NAA16: variants seen among roughly 807,000 people sequenced by gnomAD.
The protein encoded by NAA16 is N-alpha-acetyltransferase 16, NatA auxiliary subunit.
In NAA16, 97 loss-of-function variants were observed where a neutral mutation model predicts 110.3. The observed-to-expected ratio is 0.88, with a 90% CI of 0.75 to 1.04. NAA16 has a LOEUF of 1.04. Among genes scored for constraint, NAA16 ranks in the 50% least tolerant of loss-of-function variants. NAA16 has a pLI of 0.00. For missense variants in NAA16, 1,017 were observed against 1,005.1 expected (o/e 1.01, Z -0.16); for synonymous variants, 372 against 330.6 (o/e 1.13, Z -1.36).
At chr13:41,342,338 G>A (rs572847754) in intron 9 of NAA16, among the ~76,000 whole-genome samples, 77 of 152,054 alleles carry the variant, frequency 5.1e-4, no homozygotes, top group Middle Eastern at 3.4e-3. Context: ...GGGTTTCCTC[G>A]TGTTGCCCAG....
rs115325431 is a variant in NAA16, at chr13:41,328,647, A to T, written c.692-77A>T. The T allele has an allele frequency of 5.1e-4, 629 of 1,230,114 alleles. 2 individuals carry two copies. The African/African-American group carries it at 8.7e-3, about 17-fold the overall frequency. 76.2% of individuals were successfully genotyped at this position (1,230,114 alleles called of 1,614,324 possible). A position where few individuals can be genotyped will look rare whatever the true frequency, so the allele number is the denominator to read the frequency against. ...TGTCTTTTTAACCATCTGTTCACTGATAATGTTTAGTGAAGTCCCTGGGGT... is the reference window on the plus strand; with the variant it reads ...TGTCTTTTTAACCATCTGTTCACTGTTAATGTTTAGTGAAGTCCCTGGGGT... On this transcript the variant is annotated intron_variant, in intron 6 of 19. Transcript: ENST00000379406.
chr13:41,340,065 A>G (rs1375864946), intron 9 of NAA16, among the ~76,000 whole-genome samples: 2 of 152,080 alleles, frequency 1.3e-5, no homozygotes, highest in Non-Finnish European at 2.9e-5. Flanking sequence ...AATATTACTA[A>G]AAATATATTT....
rs973877850 is a variant in NAA16, at chr13:41,325,830, C to G, written c.670C>G (p.Leu224Val). The part of the protein sequence containing the change: ...EMYEKQICDK[L>V]LVEEIKGEIL... ...GTATGAGAAACAAATATGTGATAAA[C>G]TTTTGGTGGAAGAAATTAAAGGTAA... Residue 224 changes from leucine (L) to valine (V), a missense_variant, in exon 6 of 20, where the codon CTT becomes GTT. By Grantham distance (32) the Leu-to-Val change is conservative. Transcript: ENST00000379406. The G allele has an allele frequency of 3.8e-6, 6 of 1,599,944 alleles. No homozygotes were observed. The highest frequency in any genetic ancestry group is 1.3e-5 in the African/African-American group (1 of 74,222).
intron 7 of NAA16, among the ~76,000 whole-genome samples, chr13:41,329,585 T>A (rs1233636303): frequency 1.3e-5 from 2 of 151,606 alleles, no homozygotes; most frequent in African/African-American, 4.8e-5. Flanking sequence ...TTTATAGTAG[T>A]ATAAGCTACA....
intron 9 of NAA16, among the ~76,000 whole-genome samples, chr13:41,344,342 T>C (rs938804783): frequency 1.3e-5 from 2 of 152,268 alleles, no homozygotes; most frequent in African/African-American, 4.8e-5. Context: ...GAACCAGATT[T>C]GGTGATTTTT....
intron 9 of NAA16, among the ~76,000 whole-genome samples, chr13:41,339,365 C>T (rs933157337): frequency 6.6e-6 from 1 of 152,120 alleles, no homozygotes; most frequent in Admixed American, 6.6e-5. Flanking sequence ...TCTTGAACTC[C>T]TGACCTCAGG....
intron 2 of NAA16, among the ~76,000 whole-genome samples, chr13:41,318,009 C>A (rs569387076): frequency 1.3e-5 from 2 of 152,184 alleles, no homozygotes; most frequent in East Asian, 1.9e-4. Flanking sequence ...AACTTGCTAT[C>A]AAAAATGAAG....
intron 5 of NAA16, among the ~76,000 whole-genome samples, chr13:41,323,823 C>T (rs903295066): frequency 2.6e-5 from 4 of 152,162 alleles, no homozygotes; most frequent in African/African-American, 4.8e-5. Context: ...GTGGATTCAG[C>T]TGCAAGTTGA....
intron 14 of NAA16, 91 bp from the exon 15 acceptor site, chr13:41,368,999 A>G (rs1368836492): frequency 1.5e-5 from 17 of 1,129,034 alleles, no homozygotes; most frequent in Non-Finnish European, 2.1e-5. Context: ...ACTGATACCA[A>G]GGGACAACCA....
chr13:41,325,701 C>T lies in NAA16; in HGVS notation c.541C>T (p.Pro181Ser), dbSNP rs1371301034. ...LEEFRQTQQV[P>S]PNKIDYEYSE... Reference sequence around the variant, plus strand: ...TAATTTGGTCATTTTTTTTCAGGTTCCTCCAAACAAAATAGATTATGAATA... The same window carrying T: ...TAATTTGGTCATTTTTTTTCAGGTTTCTCCAAACAAAATAGATTATGAATA... Residue 181 changes from proline to serine, a missense_variant, in exon 6 of 20, where the codon CCT becomes TCT. By Grantham distance (74) the Pro-to-Ser change is moderately conservative (BLOSUM62 -1). Transcript: ENST00000379406. 1 of 1,556,418 alleles carries T rather than the reference C, an allele frequency of 6.4e-7. No homozygotes were observed. The highest frequency in any genetic ancestry group is 1.2e-5 in the South Asian group (1 of 82,708).
intron 11 of NAA16, 113 bp downstream of exon 11, chr13:41,358,586 A>G (rs2043044936): frequency 2.7e-6 from 4 of 1,489,778 alleles, no homozygotes; most frequent in East Asian, 2.4e-5. Context: ...ATCTTTTTCT[A>G]ATAATCCTGT....
chr13:41,374,732 G>T lies in NAA16; in HGVS notation c.2300-10G>T. 1 of 1,571,066 alleles carries T rather than the reference G, an allele frequency of 6.4e-7. No homozygotes were observed. Among genetic ancestry groups the T allele is most frequent in the South Asian group, 1.1e-5 (1 of 88,570 alleles). On this transcript the variant is annotated splice_polypyrimidine_tract_variant and intron_variant, in intron 18 of 19. Transcript: ENST00000379406. ...GTGTTTATTCATTTTGAAATGCCTTGGTATTTCAGGTGCTAAAATGATGTA... is the reference window on the plus strand; with the variant it reads ...GTGTTTATTCATTTTGAAATGCCTTTGTATTTCAGGTGCTAAAATGATGTA...
At chr13:41,348,870 T>A (rs891152209) in intron 9 of NAA16, among the ~76,000 whole-genome samples, 2 of 152,238 alleles carry the variant, frequency 1.3e-5, no homozygotes, top group Non-Finnish European at 2.9e-5. Context: ...TGACTGGCTT[T>A]TGGAAATTCA....
At chr13:41,336,834 C>CA in intron 9 of NAA16, 78 bp downstream of exon 9, 1 of 763,994 alleles carries the variant, frequency 1.3e-6, no homozygotes, top group Non-Finnish European at 2.1e-6. Flanking sequence ...AAATAATGTG[C>CA]TATTACTTAA....
chr13:41,328,748 G>T lies in NAA16; in HGVS notation c.716G>T (p.Arg239Ile), dbSNP rs533932759. Residue 239 changes from arginine (R) to isoleucine (I), a missense_variant, in exon 7 of 20, where the codon AGA becomes ATA. Physicochemically the swap from Arg to Ile is moderately conservative, Grantham distance 97 (BLOSUM62 -3). Transcript: ENST00000379406. ...GGGGAAATACTGTTGAAATTGGGAA[G>T]ATTAAAAGAAGCCAGTGAAGTGTTC... ...IKGEILLKLG[R>I]LKEASEVFKN... 40 of 1,607,500 alleles carry T rather than the reference G, an allele frequency of 2.5e-5. No individual in the cohort carries two copies. The highest frequency in any genetic ancestry group is 3.4e-5 in the Non-Finnish European group (40 of 1,175,180).
intron 12 of NAA16, among the ~76,000 whole-genome samples, chr13:41,359,680 A>AGTGTACAGTGGATTAAAGATCCACC (rs2043071481): frequency 6.6e-6 from 1 of 152,200 alleles, no homozygotes; most frequent in Non-Finnish European, 1.5e-5. Flanking sequence ...TACACGAATC[A>AGTGTACAGTGGATTAAAGATCCACC]GTTCCAGGTG....
chr13:41,358,962 G>A lies in NAA16; in HGVS notation c.1410G>A (p.Arg470=), dbSNP rs767334935. 8.1e-6 allele frequency: 13 copies of A among 1,597,114 alleles called. No homozygotes were observed. The highest frequency in any genetic ancestry group is 7.7e-6 in the Non-Finnish European group (9 of 1,168,380). Reference sequence around the variant, plus strand: ...AGGAAATGTGCTCCAAGTTCACAAGGGTAGGAAATAGCATGCATGAGCATG... The same window carrying A: ...AGGAAATGTGCTCCAAGTTCACAAGAGTAGGAAATAGCATGCATGAGCATG... The part of the protein sequence containing the change: ...EAEEMCSKFT[R]EGTSAMENLN... Residue 470 remains arginine (R), a splice_region_variant and synonymous_variant, in exon 12 of 20, where the codon AGG becomes AGA. Coordinates refer to ENST00000379406, the MANE Select transcript of NAA16 (RefSeq NM_024561.5).
intron 13 of NAA16, among the ~76,000 whole-genome samples, chr13:41,364,224 G>A (rs572187835): frequency 6.6e-4 from 101 of 152,144 alleles, no homozygotes; most frequent in Non-Finnish European, 1.1e-3. Flanking sequence ...AGTGAATTGC[G>A]AAATAAGTTC....
intron 6 of NAA16, 87 bp from the exon 7 acceptor site, chr13:41,328,637 C>T: frequency 9.1e-7 from 1 of 1,097,908 alleles, no homozygotes; most frequent in South Asian, 1.4e-5. Flanking sequence ...TTTTAACCAT[C>T]TGTTCACTGA....
Sources: allele counts gnomAD v4.1 joint callset (sites outside exome capture counted in the v4.1 genomes callset), GRCh38; gene constraint gnomAD v4.1.1; transcripts MANE v1.5; gene names NCBI Gene and HGNC (gene_info 2026-07-23, HGNC 2026-07-21).